FHIT: variants seen among roughly 807,000 people sequenced by gnomAD.
FHIT encodes the protein bis(5'-adenosyl)-triphosphatase.
A neutral mutation model predicts 17.9 loss-of-function variants in FHIT; 19 were observed. The ratio of observed to expected loss-of-function variants is 1.06; its 90% confidence interval spans 0.74 to 1.56. FHIT has a LOEUF of 1.56. Ranked by LOEUF, FHIT falls within the 40% of genes most tolerant of loss-of-function variation. The probability of loss-of-function intolerance (pLI) is 0.00; values close to 1 mark genes in which losing one functional copy is unlikely to be tolerated. For missense variants in FHIT, 248 were observed against 189.2 expected, an observed-to-expected ratio of 1.31 and a Z score of -1.82; for synonymous variants, 81 against 69.7, an observed-to-expected ratio of 1.16 and a Z score of -0.81.
At chr3:60,769,538 G>A (rs1192865253) in intron 4 of FHIT, among the ~76,000 whole-genome samples, 4 of 152,182 alleles carry the variant, frequency 2.6e-5, no homozygotes, top group African/African-American at 7.2e-5. Flanking sequence ...AATGATTCAC[G>A]AATCGGGCAG....
At chr3:61,102,434 T>G (rs1239281443) in intron 2 of FHIT, among the ~76,000 whole-genome samples, 1 of 152,224 alleles carries the variant, frequency 6.6e-6, no homozygotes, top group Non-Finnish European at 1.5e-5. Context: ...GGCTTTTTGA[T>G]GTGTTGATGG....
chr3:60,029,879 T>TTGTG (rs746113510), intron 5 of FHIT, among the ~76,000 whole-genome samples: 11 of 131,484 alleles, frequency 8.4e-5, no homozygotes, highest in Middle Eastern at 3.8e-3. Flanking sequence ...CATAGAAGCA[T>TTGTG]TGTGTGTGTG....
chr3:61,236,885 T>C (rs2040242554), intron 1 of FHIT, among the ~76,000 whole-genome samples: 2 of 152,156 alleles, frequency 1.3e-5, no homozygotes, highest in South Asian at 4.1e-4. Context: ...GAAGAGGCTC[T>C]TCAGGAGAGA....
chr3:60,238,446 G>T (rs374540053), intron 5 of FHIT, among the ~76,000 whole-genome samples: 1 of 16,042 alleles, frequency 6.2e-5, no homozygotes, highest in African/African-American at 1.8e-4. Context: ...GCTGTACTAA[G>T]CAAAAAAAAA....
chr3:59,794,878 G>A (rs887257044), intron 8 of FHIT, among the ~76,000 whole-genome samples: 7 of 152,186 alleles, frequency 4.6e-5, no homozygotes, highest in East Asian at 1.9e-4. Flanking sequence ...TTGGTTAAGC[G>A]TATAGACTCT....
intron 4 of FHIT, among the ~76,000 whole-genome samples, chr3:60,737,629 A>G (rs1553712919): frequency 2.6e-5 from 4 of 152,194 alleles, no homozygotes; most frequent in Non-Finnish European, 1.5e-5. Flanking sequence ...TTTCAGCTGC[A>G]TCGTATGGTG....
chr3:60,926,291 A>C (rs1363232894), intron 3 of FHIT, among the ~76,000 whole-genome samples: 5 of 152,212 alleles, frequency 3.3e-5, no homozygotes, highest in Non-Finnish European at 7.3e-5. Context: ...TCCAAAATTG[A>C]CTACATAGTT....
intron 5 of FHIT, among the ~76,000 whole-genome samples, chr3:60,326,680 G>A (rs1345266315): frequency 3.3e-5 from 5 of 152,240 alleles, no homozygotes; most frequent in African/African-American, 1.2e-4. Context: ...TACTGTGTAC[G>A]ATATTTAAAA....
chr3:59,838,510 T>G (rs994130853), intron 8 of FHIT, among the ~76,000 whole-genome samples: 1 of 152,174 alleles, frequency 6.6e-6, no homozygotes, highest in Non-Finnish European at 1.5e-5. Context: ...CCATCTCAGC[T>G]TGTGTCTTCT....
chr3:60,348,106 T>C (rs1710888131), intron 5 of FHIT, among the ~76,000 whole-genome samples: 2 of 133,726 alleles, frequency 1.5e-5, no homozygotes, highest in Admixed American at 1.6e-4. Flanking sequence ...GTAACATGAA[T>C]AATCCTGTAA....
At chr3:60,276,548 G>A (rs1352986235) in intron 5 of FHIT, among the ~76,000 whole-genome samples, 2 of 152,124 alleles carry the variant, frequency 1.3e-5, no homozygotes, top group Admixed American at 6.5e-5. Flanking sequence ...TGTCACGAGC[G>A]AACAAGGTGA....
chr3:61,097,896 G>T (rs577550337), intron 2 of FHIT, among the ~76,000 whole-genome samples: 10 of 152,076 alleles, frequency 6.6e-5, no homozygotes, highest in African/African-American at 9.7e-5. Flanking sequence ...CCATTCTGTA[G>T]GTTGTCTATT....
intron 4 of FHIT, among the ~76,000 whole-genome samples, chr3:60,736,061 G>A (rs1553712517): frequency 6.6e-6 from 1 of 152,138 alleles, no homozygotes; most frequent in Non-Finnish European, 1.5e-5. Context: ...AACATCATTA[G>A]TCAAGAAGGA....
chr3:60,638,408 A>C (rs1377996920), intron 4 of FHIT, among the ~76,000 whole-genome samples: 11 of 152,218 alleles, frequency 7.2e-5, no homozygotes. Context: ...AAGGCATCAC[A>C]CTGACAACAT....
At chr3:61,046,936 T>A (rs994853301) in intron 2 of FHIT, among the ~76,000 whole-genome samples, 13 of 152,144 alleles carry the variant, frequency 8.5e-5, no homozygotes, top group Non-Finnish European at 2.9e-5. Flanking sequence ...TCGAAAAAAT[T>A]TGACAGGCCT....
At chr3:60,277,003 G>A (rs976301917) in intron 5 of FHIT, among the ~76,000 whole-genome samples, 1 of 152,084 alleles carries the variant, frequency 6.6e-6, no homozygotes, top group African/African-American at 2.4e-5. Flanking sequence ...TTCAACATGA[G>A]ATTTGGAGCG....
intron 5 of FHIT, among the ~76,000 whole-genome samples, chr3:60,201,135 G>A (rs1702884198): frequency 6.6e-6 from 1 of 151,896 alleles, no homozygotes; most frequent in South Asian, 2.1e-4. Context: ...CTCTAGCCTG[G>A]GTTTTATGTT....
intron 4 of FHIT, among the ~76,000 whole-genome samples, chr3:60,640,109 C>A (rs1158857292): frequency 6.6e-6 from 1 of 152,078 alleles, no homozygotes; most frequent in African/African-American, 2.4e-5. Context: ...ATAAAATCAA[C>A]GGTTGCCTGA....
intron 5 of FHIT, among the ~76,000 whole-genome samples, chr3:60,120,546 A>AC (rs1705200483): frequency 6.6e-6 from 1 of 152,246 alleles, no homozygotes; most frequent in Non-Finnish European, 1.5e-5. Context: ...GATTAAGAGT[A>AC]CGACAGCAGC....
Sources: allele counts gnomAD v4.1 joint callset (sites outside exome capture counted in the v4.1 genomes callset), GRCh38; gene constraint gnomAD v4.1.1; transcripts MANE v1.5; gene names NCBI Gene and HGNC (gene_info 2026-07-23, HGNC 2026-07-21).